The following ZFHX3 variants were observed in gnomAD, a reference collection of about 807,000 sequenced individuals.
ZFHX3 encodes zinc finger homeobox 3, also known as zinc finger homeobox protein 3.
A neutral mutation model predicts 279.1 loss-of-function variants in ZFHX3; 42 were observed. The ratio of observed to expected loss-of-function variants is 0.15; its 90% CI spans 0.12 to 0.19. ZFHX3 has a LOEUF of 0.19. Among genes scored for constraint, ZFHX3 ranks in the 10% least tolerant of loss-of-function variants. The pLI is 1.00. For missense variants in ZFHX3, 4,981 were observed against 4,754.0 expected, an observed-to-expected ratio of 1.05 and a Z score of -1.40; for synonymous variants, 2,293 against 1,957.8, an observed-to-expected ratio of 1.17 and a Z score of -4.52.
At position 73,426,730 on chromosome 16, in the gene ZFHX3, T is replaced by C. The variant is rs76442476; in HGVS notation, c.-1291+29273A>G. Among the ~76,000 whole-genome samples, 1,047 of 152,306 alleles carry C rather than the reference T, an allele frequency of 6.9e-3. 16 individuals carry two copies. Among genetic ancestry groups the C allele is most frequent in the African/African-American group, 0.024 (992 of 41,566 alleles). The stretch of plus-strand genomic sequence containing the variant: ...ATGCTATTGAGAGATACTCATTACA[T>C]CTGTTTTTAATCACAACATGTAAAT... On this transcript the variant is annotated intron_variant, in intron 3 of 17. Transcript: ENST00000641206.
intron 1 of ZFHX3, among the ~76,000 whole-genome samples, chr16:73,765,951 G>C (rs946322051): frequency 6.6e-6 from 1 of 152,106 alleles, no homozygotes; most frequent in South Asian, 2.1e-4. Flanking sequence ...TAAAGCCTGA[G>C]GCTTACTCTC....
chr16:73,778,730 G>A (rs1799381958), intron 1 of ZFHX3, among the ~76,000 whole-genome samples: 2 of 152,182 alleles, frequency 1.3e-5, no homozygotes, highest in South Asian at 4.1e-4. Context: ...AGAGCTTACA[G>A]TTTCTTCTGA....
intron 5 of ZFHX3, among the ~76,000 whole-genome samples, chr16:73,219,939 A>C (rs1703353698): frequency 6.6e-6 from 1 of 152,104 alleles, no homozygotes; most frequent in Admixed American, 6.5e-5. Context: ...TACAAAAATT[A>C]GCCAGGTGTG....
chr16:73,678,796 G>A (rs1040169969), intron 2 of ZFHX3, among the ~76,000 whole-genome samples: 7 of 152,120 alleles, frequency 4.6e-5, no homozygotes, highest in African/African-American at 1.7e-4. Context: ...TTTACAGCTT[G>A]CTTCAGTGAT....
intron 2 of ZFHX3, among the ~76,000 whole-genome samples, chr16:73,579,582 A>T (rs2051835810): frequency 6.6e-6 from 1 of 150,754 alleles, no homozygotes. Context: ...GCTCACTGCA[A>T]GCTCCGCCTG....
chr16:73,404,001 G>A (rs937598370), intron 3 of ZFHX3, among the ~76,000 whole-genome samples: 2 of 152,110 alleles, frequency 1.3e-5, no homozygotes, highest in South Asian at 4.1e-4. Context: ...TTAAGGGTAG[G>A]AGTCCCTTTG....
chr16:73,751,199 T>C (rs1304108335), intron 1 of ZFHX3, among the ~76,000 whole-genome samples: 1 of 152,190 alleles, frequency 6.6e-6, no homozygotes, highest in Non-Finnish European at 1.5e-5. Flanking sequence ...AAGAAGTCCT[T>C]GAATCCATGG....
intron 5 of ZFHX3, among the ~76,000 whole-genome samples, chr16:73,156,542 A>G (rs1967089976): frequency 6.6e-6 from 1 of 152,128 alleles, no homozygotes; most frequent in African/African-American, 2.4e-5. Context: ...TGCTTTGTAT[A>G]AGAGATGTTT....
intron 1 of ZFHX3, among the ~76,000 whole-genome samples, chr16:73,819,436 C>A (rs1204622639): frequency 2.0e-5 from 3 of 151,806 alleles, no homozygotes; most frequent in Non-Finnish European, 4.4e-5. Flanking sequence ...TTGACAACCA[C>A]TGGGTTAGAC....
At chr16:73,195,216 G>A (rs1271973867) in intron 5 of ZFHX3, among the ~76,000 whole-genome samples, 1 of 152,032 alleles carries the variant, frequency 6.6e-6, no homozygotes, top group African/African-American at 2.4e-5. Flanking sequence ...ACCAAACCAT[G>A]AATATGGTTT....
At chr16:73,056,378 T>TA (rs547963966) in intron 1 of ZFHX3, among the ~76,000 whole-genome samples, 1,556 of 147,804 alleles carry the variant, frequency 0.011, 11 homozygotes, top group Non-Finnish European at 0.017. Context: ...CTGCACTAGT[T>TA]AAAAAAAAAA....
At chr16:73,520,505 T>C (rs1365875797) in intron 2 of ZFHX3, among the ~76,000 whole-genome samples, 1 of 152,184 alleles carries the variant, frequency 6.6e-6, no homozygotes, top group Non-Finnish European at 1.5e-5. Context: ...AGTTTATAAA[T>C]GTTGGGCTTC....
intron 2 of ZFHX3, among the ~76,000 whole-genome samples, chr16:73,646,609 A>G (rs1189397559): frequency 5.9e-5 from 9 of 152,198 alleles, no homozygotes; most frequent in Non-Finnish European, 1.5e-5. Context: ...GAAATAGAAA[A>G]GGCACTTATC....
chr16:73,743,406 C>T (rs1023935531), intron 1 of ZFHX3, among the ~76,000 whole-genome samples: 13 of 152,126 alleles, frequency 8.5e-5, no homozygotes, highest in African/African-American at 3.1e-4. Flanking sequence ...TATATTTGAA[C>T]GCTTATGGAA....
chr16:72,938,151 G>T (rs1960219578), intron 3 of ZFHX3, among the ~76,000 whole-genome samples: 1 of 152,150 alleles, frequency 6.6e-6, no homozygotes, highest in African/African-American at 2.4e-5. Context: ...GCCGTGTGTG[G>T]GTACAGCAGC....
At chr16:73,352,218 C>T (rs1404645204) in intron 3 of ZFHX3, among the ~76,000 whole-genome samples, 1 of 152,226 alleles carries the variant, frequency 6.6e-6, no homozygotes, top group Non-Finnish European at 1.5e-5. Context: ...GCATCCTTGT[C>T]CTCCTGACAC....
At chr16:73,044,606 GTT>G (rs1965227176) in intron 1 of ZFHX3, among the ~76,000 whole-genome samples, 1 of 151,846 alleles carries the variant, frequency 6.6e-6, no homozygotes, top group South Asian at 2.1e-4. Flanking sequence ...GTGAGTGTTT[GTT>G]TGTTTGTTTG....
chr16:72,802,101 T>C (rs2036120569), intron 7 of ZFHX3, among the ~76,000 whole-genome samples: 1 of 152,130 alleles, frequency 6.6e-6, no homozygotes, highest in African/African-American at 2.4e-5. Context: ...ACTGTGGGCT[T>C]TTCATACACA....
Position 73,800,414 on chromosome 16 carries a change from A to G in ZFHX3, c.-1608+91237T>C, listed in dbSNP as rs113586061. Among the ~76,000 whole-genome samples the G allele has an allele frequency of 3.4e-3, 520 of 152,064 alleles. 8 individuals are homozygous for G. The highest frequency in any genetic ancestry group is 0.012 in the African/African-American group (490 of 41,488). ...GTATTTTTAGTAGAGACGGGGTTTCACCATATTGGTCAGGCTGGTCTCGAA... is the reference window on the plus strand; with the variant it reads ...GTATTTTTAGTAGAGACGGGGTTTCGCCATATTGGTCAGGCTGGTCTCGAA... On this transcript the variant is annotated intron_variant, in intron 1 of 17. Transcript: ENST00000641206.
Sources: gnomAD v4.1 joint callset for allele counts (sites outside exome capture counted in the v4.1 genomes callset) on GRCh38, gnomAD v4.1.1 for gene constraint, MANE v1.5 for transcripts, NCBI Gene and HGNC (gene_info 2026-07-23, HGNC 2026-07-21) for gene names.